The following LIFR variants were observed in gnomAD, a reference collection of about 807,000 sequenced individuals.
The protein encoded by LIFR is leukemia inhibitory factor receptor.
A neutral mutation model predicts 122.2 loss-of-function variants in LIFR; 84 were observed. The ratio of observed to expected loss-of-function variants is 0.69; its 90% CI spans 0.58 to 0.82. The LOEUF is 0.82. Among genes scored for constraint, LIFR ranks in the 40% least tolerant of loss-of-function variants. The pLI is 0.00. For synonymous variants in LIFR, 422 were observed against 434.7 expected (o/e 0.97, Z 0.36); for missense variants, 1,294 against 1,311.6 (o/e 0.99, Z 0.21).
At chr5:38,604,333 C>T (rs1750281731) in intron 2 of LIFR, among the ~76,000 whole-genome samples, 1 of 152,180 alleles carries the variant, frequency 6.6e-6, no homozygotes. Flanking sequence ...ACTTGGATAT[C>T]CAGCACATTC....
chr5:38,584,147 C>A (rs1749675334), intron 1 of LIFR, among the ~76,000 whole-genome samples: 1 of 152,000 alleles, frequency 6.6e-6, no homozygotes, highest in African/African-American at 2.4e-5. Context: ...CATTAGATAC[C>A]ATTTCACACC....
intron 19 of LIFR, 26 bp downstream of exon 19, chr5:38,482,563 A>G: frequency 8.4e-7 from 1 of 1,193,878 alleles, no homozygotes; most frequent in Non-Finnish European, 1.2e-6. Context: ...CACATCAAAG[A>G]TAAATATAAG....
In LIFR at chr5:38,482,647, G is replaced by C. The variant is rs1163677888; in HGVS notation, c.2612C>G (p.Pro871Arg). 1 of 1,466,780 alleles carries C rather than the reference G, an allele frequency of 6.8e-7. No homozygotes were observed. The highest frequency in any genetic ancestry group is 1.4e-5 in the African/African-American group (1 of 70,862). The allele number at this position is 1,466,780 out of a possible 1,614,324, so 90.9% of individuals were successfully genotyped here. A position where few individuals can be genotyped will look rare whatever the true frequency, so the allele number is the denominator to read the frequency against. The change falls in exon 19 of 20, where the codon CCT becomes CGT. Residue 871 changes from proline to arginine, a missense_variant. By Grantham distance (103) the Pro-to-Arg change is moderately radical. Coordinates refer to ENST00000453190, the MANE Select transcript of LIFR (RefSeq NM_001127671.2). ...KREWIKETFYPDIPNPENCKA... is the reference protein window; with the variant it reads ...KREWIKETFYRDIPNPENCKA... ...ACAGTTTTCTGGATTTGGAATATCA[G>C]GGTAGAAGGTTTCTTTAATCCTTTA...
intron 1 of LIFR, among the ~76,000 whole-genome samples, chr5:38,593,469 T>C (rs909846213): frequency 1.3e-5 from 2 of 152,200 alleles, no homozygotes; most frequent in Non-Finnish European, 2.9e-5. Flanking sequence ...AATAGCCACA[T>C]GCAGCTAGTG....
intron 1 of LIFR, among the ~76,000 whole-genome samples, chr5:38,571,368 A>G (rs901394771): frequency 6.6e-6 from 1 of 152,072 alleles, no homozygotes; most frequent in Admixed American, 6.6e-5. Context: ...CCTGGCCAAT[A>G]TGGTGAAACC....
intron 1 of LIFR, among the ~76,000 whole-genome samples, chr5:38,544,543 C>T (rs534470321): frequency 7.0e-4 from 107 of 152,236 alleles, no homozygotes; most frequent in Non-Finnish European, 7.8e-4. Context: ...CTACTCATCA[C>T]CTAGAAAGGG....
chr5:38,499,132 AG>A (rs1323344274), intron 12 of LIFR, among the ~76,000 whole-genome samples: 3 of 152,210 alleles, frequency 2.0e-5, no homozygotes, highest in Non-Finnish European at 4.4e-5. Context: ...AATTTATTGA[AG>A]GGAAATAAAT....
rs1222031405 is a variant in LIFR, at chr5:38,505,910, T to C, written c.1286A>G (p.Glu429Gly). 2.5e-6 allele frequency: 4 copies of C among 1,602,962 alleles called. No homozygotes were observed. The highest frequency in any genetic ancestry group is 4.5e-5 in the East Asian group (2 of 44,616). Residue 429 changes from glutamate to glycine, a missense_variant, in exon 9 of 20, where the codon GAA (glutamate) becomes GGA (glycine). Transcript: ENST00000453190. ...TTAGTTTATGTACAGCTTACCTTTT[T>C]CAGTTATATTAACTAAAATTGTTGA... ...SQSTILVNIT[E>G]KVYPHTPTSF...
rs559636339 is a variant in LIFR at position 38,545,600 on chromosome 5, C to T, written c.-20+10734G>A. Among the ~76,000 whole-genome samples, 435 of 151,980 alleles carry T rather than the reference C, an allele frequency of 2.9e-3. 4 individuals carry two copies. The highest frequency in any genetic ancestry group is 1.0e-2 in the African/African-American group (414 of 41,478). Reference sequence around the variant, plus strand: ...ATCCAGGGCAGGGCACGGTGGCTCACGCCTGTAATCCCAGCACTTTGGGAG... The same window carrying T: ...ATCCAGGGCAGGGCACGGTGGCTCATGCCTGTAATCCCAGCACTTTGGGAG... On this transcript the variant is annotated intron_variant, in intron 1 of 19. Transcript: ENST00000453190.
At chr5:38,502,555 G>A (rs1403213862) in intron 11 of LIFR, 82 bp downstream of exon 11, 11 of 1,233,352 alleles carry the variant, frequency 8.9e-6, no homozygotes, top group South Asian at 2.4e-5. Flanking sequence ...CACTGCACCC[G>A]GCCAACATCT....
chr5:38,585,156 A>T (rs1273506381), intron 1 of LIFR, among the ~76,000 whole-genome samples: 2 of 152,226 alleles, frequency 1.3e-5, no homozygotes, highest in Admixed American at 6.5e-5. Context: ...AAAATTAAAG[A>T]AATAAAGAGA....
chr5:38,587,373 C>G (rs527866776), intron 1 of LIFR, among the ~76,000 whole-genome samples: 1 of 151,616 alleles, frequency 6.6e-6, no homozygotes, highest in East Asian at 1.9e-4. Context: ...AACAGGGAGG[C>G]GTTACTGGTG....
intron 1 of LIFR, chr5:38,607,739 T>G (rs531839068): frequency 6.6e-6 from 1 of 152,362 alleles, no homozygotes; most frequent in South Asian, 2.1e-4. Flanking sequence ...AGGGAAACAA[T>G]GGCCAGAGAG....
chr5:38,511,319 G>GC (rs1370078042), intron 6 of LIFR, among the ~76,000 whole-genome samples: 1 of 151,812 alleles, frequency 6.6e-6, no homozygotes, highest in Non-Finnish European at 1.5e-5. Flanking sequence ...AATTTTCCAG[G>GC]CCCCCTATTC....
At chr5:38,528,927 A>C (rs1746853420) in intron 2 of LIFR, 87 bp from the exon 3 acceptor site, 3 of 850,692 alleles carry the variant, frequency 3.5e-6, no homozygotes, top group South Asian at 2.9e-5. Flanking sequence ...GCACTCTAAA[A>C]AGTCAACCAT....
chr5:38,582,194 C>G (rs780904704), intron 1 of LIFR, among the ~76,000 whole-genome samples: 1 of 151,956 alleles, frequency 6.6e-6, no homozygotes, highest in Non-Finnish European at 1.5e-5. Context: ...CCAAGTAGCA[C>G]GTGACACCAT....
chr5:38,532,834 A>G (rs190192581), intron 1 of LIFR, among the ~76,000 whole-genome samples: 1 of 152,248 alleles, frequency 6.6e-6, no homozygotes, highest in Non-Finnish European at 1.5e-5. Flanking sequence ...TTCTCTGCTC[A>G]CTCCTGATAG....
At chr5:38,499,255 A>G (rs1243211539) in intron 12 of LIFR, among the ~76,000 whole-genome samples, 1 of 152,240 alleles carries the variant, frequency 6.6e-6, no homozygotes, top group Admixed American at 6.5e-5. Flanking sequence ...GGAATTCATG[A>G]AATCTTCAGG....
intron 1 of LIFR, among the ~76,000 whole-genome samples, chr5:38,594,255 G>A (rs748241634): frequency 6.6e-6 from 1 of 152,148 alleles, no homozygotes; most frequent in Non-Finnish European, 1.5e-5. Context: ...AAAGATCAGT[G>A]GTTGTCAGGG....
Sources: gnomAD v4.1 joint callset for allele counts (sites outside exome capture counted in the v4.1 genomes callset) on GRCh38, gnomAD v4.1.1 for gene constraint, MANE v1.5 for transcripts, NCBI Gene and HGNC (gene_info 2026-07-23, HGNC 2026-07-21) for gene names.